The following PHTF2 variants were observed in gnomAD, a reference collection of about 807,000 sequenced individuals.
The protein encoded by PHTF2 is putative homeodomain transcription factor 2, also known as protein PHTF2.
In PHTF2, 60 loss-of-function variants were observed where a neutral mutation model predicts 101.2. The observed-to-expected ratio is 0.59, with a 90% CI of 0.48 to 0.73. The LOEUF (loss-of-function observed/expected upper bound fraction) is 0.73, where lower values mean the gene tolerates loss of function less well. Among genes scored for constraint, PHTF2 ranks in the 30% least tolerant of loss-of-function variants. PHTF2 has a pLI of 0.00. For synonymous variants in PHTF2, 311 were observed against 307.3 expected (o/e 1.01, Z -0.13); for missense variants, 747 against 908.7 (o/e 0.82, Z 2.29).
At chr7:77,880,551 T>C (rs1799321309) in intron 3 of PHTF2, among the ~76,000 whole-genome samples, 1 of 152,106 alleles carries the variant, frequency 6.6e-6, no homozygotes, top group African/African-American at 2.4e-5. Flanking sequence ...ACCCTGTGCT[T>C]GGTCATCCCC....
At chr7:77,919,194 A>C (rs984258936) in intron 9 of PHTF2, among the ~76,000 whole-genome samples, 1 of 152,198 alleles carries the variant, frequency 6.6e-6, no homozygotes, top group Non-Finnish European at 1.5e-5. Flanking sequence ...CAAAATGAGC[A>C]TGTAGAATAG....
chr7:77,875,175 G>GT (rs1290087391), intron 3 of PHTF2, among the ~76,000 whole-genome samples: 1 of 152,114 alleles, frequency 6.6e-6, no homozygotes, highest in Non-Finnish European at 1.5e-5. Context: ...ATCTTTGGTA[G>GT]TATGGTCATT....
chr7:77,812,597 T>G (rs1409667673), intron 1 of PHTF2, among the ~76,000 whole-genome samples: 1 of 151,636 alleles, frequency 6.6e-6, no homozygotes, highest in African/African-American at 2.4e-5. Context: ...TTTTTACTTT[T>G]TTTTTTTTTT....
rs1355284098 is a variant in PHTF2, at chr7:77,839,012, CTCATGCATGCTCCCACTCA to C, written c.-35-1193_-35-1175del. ...TGCTCAAAAAGCATGCATGCTCCCA[CTCATGCATGCTCCCACTCA>C]TCATGCATGCTCCCAAGAGTGGTAT... On this transcript the variant is annotated intron_variant, in intron 1 of 19. Coordinates refer to ENST00000416283, the Ensembl canonical transcript of PHTF2. 2.6e-5 allele frequency among the ~76,000 whole-genome samples: 4 copies of C among 152,030 alleles called. No individual in the cohort carries two copies. The East Asian group carries it at 5.8e-4, about 22-fold the overall frequency.
At chr7:77,845,192 A>G (rs935578948) in intron 2 of PHTF2, among the ~76,000 whole-genome samples, 2 of 152,232 alleles carry the variant, frequency 1.3e-5, no homozygotes, top group East Asian at 3.8e-4. Flanking sequence ...TTGACACACT[A>G]AGTATTCCTT....
At chr7:77,824,885 G>C (rs1231744368) in intron 1 of PHTF2, among the ~76,000 whole-genome samples, 1 of 150,570 alleles carries the variant, frequency 6.6e-6, no homozygotes, top group South Asian at 2.1e-4. Context: ...AAAAAAAAAC[G>C]TTAGCCGAGT....
intron 13 of PHTF2, among the ~76,000 whole-genome samples, chr7:77,939,126 C>G (rs2150969845): frequency 6.6e-6 from 1 of 152,272 alleles, no homozygotes; most frequent in African/African-American, 2.4e-5. Context: ...GTTAAGATCT[C>G]TTTTAGTTCT....
At chr7:77,954,297 C>G (rs1403296058) in intron 19 of PHTF2, among the ~76,000 whole-genome samples, 1 of 151,926 alleles carries the variant, frequency 6.6e-6, no homozygotes, top group African/African-American at 2.4e-5. Context: ...CCACGCCTGG[C>G]CAATTTTTGT....
intron 9 of PHTF2, among the ~76,000 whole-genome samples, chr7:77,914,220 A>G (rs754262975): frequency 1.2e-4 from 19 of 152,210 alleles, no homozygotes; most frequent in Non-Finnish European, 2.5e-4. Flanking sequence ...TTAGAAATGC[A>G]AACAAAATAT....
intron 7 of PHTF2, among the ~76,000 whole-genome samples, chr7:77,904,068 G>A (rs2150842017): frequency 6.6e-6 from 1 of 152,176 alleles, no homozygotes; most frequent in Non-Finnish European, 1.5e-5. Context: ...TCTACTTTCT[G>A]TCCATTTACC....
intron 10 of PHTF2, among the ~76,000 whole-genome samples, chr7:77,922,044 A>G (rs1365691521): frequency 8.9e-6 from 1 of 112,628 alleles, no homozygotes; most frequent in African/African-American, 3.7e-5. Flanking sequence ...TTTTTTTGAG[A>G]CATGGTCTCA....
intron 1 of PHTF2, among the ~76,000 whole-genome samples, chr7:77,825,914 T>C (rs1021845621): frequency 1.1e-4 from 16 of 152,124 alleles, no homozygotes; most frequent in African/African-American, 3.1e-4. Context: ...CTGATATCCC[T>C]AAAATAGAGA....
chr7:77,801,327 C>T (rs1299964942), intron 1 of PHTF2, among the ~76,000 whole-genome samples: 9 of 152,088 alleles, frequency 5.9e-5, no homozygotes, highest in Admixed American at 2.6e-4. Context: ...GGCTCACGCC[C>T]GTAATCCCAG....
At chr7:77,829,592 TAGA>T (rs776380181) in intron 1 of PHTF2, among the ~76,000 whole-genome samples, 9 of 152,230 alleles carry the variant, frequency 5.9e-5, no homozygotes, top group Admixed American at 3.9e-4. Flanking sequence ...CTGAAACTAG[TAGA>T]AGATTTCATT....
At chr7:77,912,408 T>C (rs1267488852) in intron 9 of PHTF2, among the ~76,000 whole-genome samples, 3 of 152,202 alleles carry the variant, frequency 2.0e-5, no homozygotes, top group African/African-American at 7.2e-5. Context: ...TGATATTTTC[T>C]TCTTTCAGGC....
intron 7 of PHTF2, 41 bp downstream of exon 6, chr7:77,901,961 A>T: frequency 3.1e-6 from 4 of 1,276,366 alleles, no homozygotes; most frequent in Non-Finnish European, 4.3e-6. Context: ...TCAGAATGTT[A>T]CATTGTTAGG....
At chr7:77,817,184 A>G (rs1793916691) in intron 1 of PHTF2, among the ~76,000 whole-genome samples, 1 of 152,202 alleles carries the variant, frequency 6.6e-6, no homozygotes, top group African/African-American at 2.4e-5. Flanking sequence ...CATTCCTACC[A>G]AATGTGTAAG....
At chr7:77,855,133 G>A (rs1797072681) in intron 3 of PHTF2, among the ~76,000 whole-genome samples, 1 of 152,226 alleles carries the variant, frequency 6.6e-6, no homozygotes, top group African/African-American at 2.4e-5. Context: ...AGTACCGCCT[G>A]GGTACCACTT....
intron 1 of PHTF2, among the ~76,000 whole-genome samples, chr7:77,801,820 G>T (rs1442285823): frequency 2.0e-5 from 3 of 152,112 alleles, no homozygotes; most frequent in Non-Finnish European, 4.4e-5. Context: ...CTTGAGACAA[G>T]AATTCAGTTA....
Sources: gnomAD v4.1 joint callset for allele counts (sites outside exome capture counted in the v4.1 genomes callset) on GRCh38, gnomAD v4.1.1 for gene constraint, MANE v1.5 for transcripts, NCBI Gene and HGNC (gene_info 2026-07-23, HGNC 2026-07-21) for gene names.